The following ATP7A variants were observed in gnomAD, a reference collection of about 807,000 sequenced individuals.
ATP7A encodes ATPase copper transporting alpha, also known as copper-transporting ATPase 1.
ATP7A carries 7 observed loss-of-function variants against 83.5 expected under a neutral mutation model. The ratio of observed to expected loss-of-function variants is 0.08; its 90% CI spans 0.05 to 0.16. The LOEUF (loss-of-function observed/expected upper bound fraction) is 0.16. Ranked by LOEUF, ATP7A falls within the 10% of genes least tolerant of loss-of-function variation. ATP7A has a pLI of 1.00. For missense variants in ATP7A, 940 were observed against 1,120.8 expected, an observed-to-expected ratio of 0.84 and a Z score of 2.30; for synonymous variants, 354 against 395.2, an observed-to-expected ratio of 0.90 and a Z score of 1.24.
At chrX:78,022,501 G>A (rs868973649) in intron 14 of ATP7A, among the ~76,000 whole-genome samples, 14 of 75,057 alleles carry the variant, frequency 1.9e-4, no homozygotes, top group African/African-American at 6.3e-4. Flanking sequence ...TTGTTTGTTT[G>A]TTTGTTTATT....
intron 20 of ATP7A, 38 bp from the exon 21 acceptor site, chrX:78,043,279 G>C (rs1557238654): frequency 1.0e-6 from 1 of 995,916 alleles, no homozygotes; most frequent in African/African-American, 1.9e-5. Context: ...GGTTAAGTTA[G>C]AGTCTCTTAC....
At chrX:78,009,550 G>A (rs1557234161) in intron 7 of ATP7A, 3 of 286,676 alleles carry the variant, frequency 1.0e-5, no homozygotes, top group Non-Finnish European at 1.8e-5. Context: ...AGTATAATTT[G>A]TTATAAATAA....
Position 77,931,925 on chromosome X carries a change from C to T in ATP7A, c.-22+21090C>T, listed in dbSNP as rs1437824223. ...CAGAGGCGCCCCTCACCTCCCGGACCGGGCGGCTGGCTGGGCGGGGGGCTG... is the reference window on the plus strand; with the variant it reads ...CAGAGGCGCCCCTCACCTCCCGGACTGGGCGGCTGGCTGGGCGGGGGGCTG... On this transcript the variant is annotated intron_variant, in intron 1 of 22. Transcript: ENST00000341514. Among the ~76,000 whole-genome samples the T allele has an allele frequency of 1.1e-3, 83 of 78,658 alleles. No homozygotes were observed. In the South Asian group the frequency reaches 0.013, roughly 12 times the overall value. The allele number at this position is 78,658 out of a possible 115,157, so 68.3% of individuals were successfully genotyped here.
At chrX:78,033,554 A>G (rs1557237404) in intron 16 of ATP7A, 51 bp from the exon 17 acceptor site, 1 of 1,114,552 alleles carries the variant, frequency 9.0e-7, no homozygotes, top group Admixed American at 2.2e-5. Context: ...CTAATGAATG[A>G]CCTTGCATTA....
chrX:78,017,897 G>A (rs978701801), intron 12 of ATP7A, among the ~76,000 whole-genome samples: 28 of 100,590 alleles, frequency 2.8e-4, no homozygotes, highest in Admixed American at 5.6e-4. Context: ...TGCCTCAGCC[G>A]CTGGAGTAGC....
chrX:77,940,267 C>A (rs1357736492), intron 1 of ATP7A, among the ~76,000 whole-genome samples: 4 of 110,626 alleles, frequency 3.6e-5, no homozygotes, highest in African/African-American at 1.3e-4. Flanking sequence ...TTCATCCCCC[C>A]TCCAAAAGTA....
chrX:77,924,436 T>G (rs1175960118), intron 1 of ATP7A: 2 of 111,541 alleles, frequency 1.8e-5, no homozygotes, highest in African/African-American at 6.5e-5. Flanking sequence ...ACTTGAAACC[T>G]GCCAGTTGAA....
In ATP7A at chrX:78,049,015, C is replaced by A. The variant is rs1322514994; in HGVS notation, c.*2445C>A. 1.8e-5 allele frequency: 2 copies of A among 111,810 alleles called. No individual in the cohort carries two copies. The highest frequency in any genetic ancestry group is 3.8e-5 in the Non-Finnish European group (2 of 53,156). 9.2% of individuals were successfully genotyped at this position (111,810 alleles called of 1,213,427 possible). A position where few individuals can be genotyped will look rare whatever the true frequency, so the allele number is the denominator to read the frequency against. Reference sequence around the variant, plus strand: ...AAAGAGATAATTTCAGCTCTTACAACAAGAACAGAAAACATGCTAATTAGA... The same window carrying A: ...AAAGAGATAATTTCAGCTCTTACAAAAAGAACAGAAAACATGCTAATTAGA... On this transcript the variant is annotated 3_prime_UTR_variant, in exon 23 of 23. Transcript: ENST00000341514.
intron 15 of ATP7A, 126 bp from the exon 16 acceptor site, chrX:78,031,274 A>T (rs2077982254): frequency 1.5e-6 from 1 of 653,705 alleles, no homozygotes; most frequent in East Asian, 3.3e-5. Context: ...TTTAAGTCAA[A>T]TTAAGTCAAA....
chrX:77,918,117 A>G (rs1275290138), intron 1 of ATP7A, among the ~76,000 whole-genome samples: 1 of 102,363 alleles, frequency 9.8e-6, no homozygotes, highest in Non-Finnish European at 2.0e-5. Context: ...CCTAGGCTGG[A>G]GTGCAGTGGC....
chrX:78,013,308 G>C (rs185655178), intron 10 of ATP7A, among the ~76,000 whole-genome samples, 196 bp downstream of exon 10: 5 of 111,857 alleles, frequency 4.5e-5, no homozygotes, highest in East Asian at 5.6e-4. Flanking sequence ...ACTGTAGATA[G>C]TACAGTATGT....
chrX:78,033,498 C>T, intron 16 of ATP7A, 107 bp from the exon 17 acceptor site: 2 of 801,979 alleles, frequency 2.5e-6, no homozygotes, highest in Non-Finnish European at 3.7e-6. Context: ...CAATATGTGA[C>T]AATTTTATTA....
intron 2 of ATP7A, among the ~76,000 whole-genome samples, chrX:77,984,005 G>A (rs931252552): frequency 1.8e-5 from 2 of 111,638 alleles, no homozygotes; most frequent in Non-Finnish European, 3.8e-5. Context: ...TTGATATAAT[G>A]GAAAAATAGT....
intron 1 of ATP7A, among the ~76,000 whole-genome samples, chrX:77,947,442 A>T (rs1603374508): frequency 9.8e-6 from 1 of 101,819 alleles, no homozygotes. Flanking sequence ...ATTTTACCAC[A>T]TTTTTTTTTT....
chrX:77,987,444 T>TTGTGTGTGTGTGTGTG (rs3986431), intron 2 of ATP7A, among the ~76,000 whole-genome samples: 2 of 85,865 alleles, frequency 2.3e-5, no homozygotes, highest in East Asian at 4.0e-4. Flanking sequence ...AACCCAGTAT[T>TTGTGTGTGTGTGTGTG]TGTGTGTGTG....
At chrX:77,938,892 G>A (rs1377721123) in intron 1 of ATP7A, among the ~76,000 whole-genome samples, 8 of 111,947 alleles carry the variant, frequency 7.1e-5, no homozygotes, top group African/African-American at 2.6e-4. Flanking sequence ...ATATATTATT[G>A]ACTGTCTTTG....
At chrX:77,952,789 CTT>C (rs782435802) in intron 1 of ATP7A, among the ~76,000 whole-genome samples, 4 of 98,708 alleles carry the variant, frequency 4.1e-5, no homozygotes, top group Admixed American at 1.1e-4. Context: ...TTTCTTTTTC[CTT>C]TTTTTTTTTT....
rs1338159028 is a variant in ATP7A, at chrX:78,044,260, A to AG, written c.4123+826_4123+827insG. Among the ~76,000 whole-genome samples the AG allele has an allele frequency of 2.8e-5, 3 of 108,172 alleles. No homozygotes were observed. In the Admixed American group the frequency reaches 3.0e-4, roughly 11 times the overall value. The allele number at this position is 108,172 out of a possible 115,157, so 93.9% of individuals were successfully genotyped here. A position where few individuals can be genotyped will look rare whatever the true frequency, so the allele number is the denominator to read the frequency against. ...CAAGAGCGAAACTCCGTCTCCAAAA[A>AG]AAAAAAAAAAAAAAATTCATACCTC... On this transcript the variant is annotated intron_variant, in intron 21 of 22. Transcript: ENST00000341514.
intron 4 of ATP7A, among the ~76,000 whole-genome samples, chrX:77,995,199 T>C (rs892566409): frequency 9.0e-6 from 1 of 111,631 alleles, no homozygotes; most frequent in South Asian, 3.7e-4. Flanking sequence ...CTGCCACCCA[T>C]TCTCAGACAG....
Sources: allele counts gnomAD v4.1 joint callset (sites outside exome capture counted in the v4.1 genomes callset), GRCh38; gene constraint gnomAD v4.1.1; transcripts MANE v1.5; gene names NCBI Gene and HGNC (gene_info 2026-07-23, HGNC 2026-07-21).